MSI2: variants seen among roughly 807,000 people sequenced by gnomAD.
The protein encoded by MSI2 is RNA-binding protein Musashi homolog 2.
In MSI2, 17 loss-of-function variants were observed where a neutral mutation model predicts 45.6. The observed-to-expected ratio is 0.37, with a 90% CI of 0.26 to 0.56. The LOEUF (loss-of-function observed/expected upper bound fraction) is 0.56. Ranked by LOEUF, MSI2 falls within the 20% of genes least tolerant of loss-of-function variation. The pLI, the probability that MSI2 is intolerant of heterozygous loss-of-function variation, is 0.77. For missense variants in MSI2, 293 were observed against 444.2 expected (o/e 0.66, Z 3.06); for synonymous variants, 156 against 158.2 (o/e 0.99, Z 0.11).
rs945546734 is a variant in MSI2 at position 57,683,373 on chromosome 17, T to A, written c.*3856T>A. The A allele has an allele frequency of 2.2e-5, 5 of 230,174 alleles. No individual in the cohort carries two copies. Among genetic ancestry groups the A allele is most frequent in the African/African-American group, 6.6e-5 (3 of 45,274 alleles). 14.3% of individuals were successfully genotyped at this position (230,174 alleles called of 1,614,324 possible). A position where few individuals can be genotyped will look rare whatever the true frequency, so the allele number is the denominator to read the frequency against. On this transcript the variant is annotated 3_prime_UTR_variant, in exon 14 of 14. Coordinates refer to ENST00000284073, the MANE Select transcript of MSI2 (RefSeq NM_138962.4). This position sits in a 1 kb window ranked among gnomAD's most constrained non-coding sequence, Gnocchi z 5.2. ...CATTTGGGGGTTTTTGGGGAAAAAA[T>A]TTATTTTTGGTTCCAAATAGAAAAA...
chr17:57,539,223 C>A (rs1043358958), intron 7 of MSI2, among the ~76,000 whole-genome samples: 2 of 146,304 alleles, frequency 1.4e-5, no homozygotes, highest in African/African-American at 2.5e-5. Context: ...GGCTCTGTTG[C>A]CCAGGCTGGA....
intron 8 of MSI2, among the ~76,000 whole-genome samples, chr17:57,603,053 G>T (rs1051238855): frequency 2.6e-5 from 4 of 152,208 alleles, no homozygotes; most frequent in Admixed American, 2.0e-4. Context: ...ACGGAGCCAG[G>T]CCAAATGGGG....
chr17:57,533,021 C>T (rs1401813388), intron 7 of MSI2, among the ~76,000 whole-genome samples: 7 of 152,218 alleles, frequency 4.6e-5, no homozygotes, highest in African/African-American at 1.2e-4. Flanking sequence ...ATCTGATGAG[C>T]GTCAGGTGGG....
At chr17:57,554,490 C>T (rs950956927) in intron 7 of MSI2, among the ~76,000 whole-genome samples, 1 of 152,184 alleles carries the variant, frequency 6.6e-6, no homozygotes, top group African/African-American at 2.4e-5. Context: ...TGTGTGCACA[C>T]GCGCTTGTTT....
chr17:57,458,650 A>G (rs1221674236), intron 6 of MSI2, among the ~76,000 whole-genome samples: 1 of 152,190 alleles, frequency 6.6e-6, no homozygotes, highest in African/African-American at 2.4e-5. Context: ...TCTGTGTTCC[A>G]TGCCTCTGGG....
At chr17:57,434,571 C>A (rs561409883) in intron 6 of MSI2, among the ~76,000 whole-genome samples, 3 of 152,156 alleles carry the variant, frequency 2.0e-5, no homozygotes. Context: ...GCACCCCCAT[C>A]CTCTGGTAAC....
At chr17:57,511,830 G>T (rs960052001) in intron 6 of MSI2, among the ~76,000 whole-genome samples, 1 of 152,140 alleles carries the variant, frequency 6.6e-6, no homozygotes, top group African/African-American at 2.4e-5. Context: ...CACCTTCAGG[G>T]TGGAGGCCCA....
chr17:57,587,929 G>A (rs2144403744), intron 7 of MSI2, among the ~76,000 whole-genome samples: 1 of 152,256 alleles, frequency 6.6e-6, no homozygotes, highest in African/African-American at 2.4e-5. Context: ...TTCTGGAAAG[G>A]CATTTTATTA....
chr17:57,331,585 A>G (rs1598130553), intron 5 of MSI2, among the ~76,000 whole-genome samples: 1 of 152,202 alleles, frequency 6.6e-6, no homozygotes, highest in African/African-American at 2.4e-5. Flanking sequence ...TTTGAAGACT[A>G]GGACACATCT....
Position 57,680,695 on chromosome 17 carries a change from C to G in MSI2, c.*1178C>G. The G allele has an allele frequency of 9.0e-6, 1 of 111,696 alleles. No individual in the cohort carries two copies. Among genetic ancestry groups the G allele is most frequent in the South Asian group, 3.0e-4 (1 of 3,338 alleles). The allele number at this position is 111,696 out of a possible 1,614,324, so 6.9% of individuals were successfully genotyped here. Reference sequence around the variant, plus strand: ...CTTTTCCCAAGATGTTTTTTAAAAACAAAGCTACAATTTTAATATTTAACA... The same window carrying G: ...CTTTTCCCAAGATGTTTTTTAAAAAGAAAGCTACAATTTTAATATTTAACA... On this transcript the variant is annotated 3_prime_UTR_variant, in exon 14 of 14. Transcript: ENST00000284073.
At chr17:57,385,337 C>T (rs536884644) in intron 5 of MSI2, among the ~76,000 whole-genome samples, 1 of 152,350 alleles carries the variant, frequency 6.6e-6, no homozygotes, top group African/African-American at 2.4e-5. Flanking sequence ...CTCCTTTTCA[C>T]TTGACTTCTA....
At chr17:57,587,543 C>G (rs1254900172) in intron 7 of MSI2, among the ~76,000 whole-genome samples, 1 of 139,732 alleles carries the variant, frequency 7.2e-6, no homozygotes, top group African/African-American at 2.6e-5. Flanking sequence ...AGATCACTCC[C>G]CGCCCCCCAC....
intron 5 of MSI2, among the ~76,000 whole-genome samples, chr17:57,376,751 A>G (rs2083503721): frequency 6.6e-6 from 1 of 152,120 alleles, no homozygotes; most frequent in Admixed American, 6.5e-5. Flanking sequence ...AAAATATGGC[A>G]TCTCAGTTGC....
At chr17:57,458,099 CTT>C (rs545653222) in intron 6 of MSI2, among the ~76,000 whole-genome samples, 22 of 133,954 alleles carry the variant, frequency 1.6e-4, no homozygotes, top group Admixed American at 1.5e-4. Context: ...ATATATATAC[CTT>C]TTTTTTTTTT....
chr17:57,304,169 C>A (rs1435767620), intron 5 of MSI2, among the ~76,000 whole-genome samples: 1 of 151,934 alleles, frequency 6.6e-6, no homozygotes. Flanking sequence ...CCATCCTGGC[C>A]AACATGGTGA....
chr17:57,362,316 T>C (rs1205669888), intron 5 of MSI2, among the ~76,000 whole-genome samples: 1 of 152,072 alleles, frequency 6.6e-6, no homozygotes, highest in Non-Finnish European at 1.5e-5. Flanking sequence ...ATATGGGAAA[T>C]CTTGTCTTTG....
intron 5 of MSI2, among the ~76,000 whole-genome samples, chr17:57,295,278 T>C (rs1910824489): frequency 6.6e-6 from 1 of 152,090 alleles, no homozygotes; most frequent in Non-Finnish European, 1.5e-5. Flanking sequence ...GCCGCCCTGC[T>C]TGCTTAGGGA....
At chr17:57,585,112 C>T (rs559067821) in intron 7 of MSI2, among the ~76,000 whole-genome samples, 17 of 152,284 alleles carry the variant, frequency 1.1e-4, no homozygotes, top group South Asian at 4.1e-4. Flanking sequence ...GCCACCACCA[C>T]GCCCAGCCCT....
chr17:57,424,651 G>C (rs2084458574), intron 6 of MSI2, among the ~76,000 whole-genome samples: 1 of 152,080 alleles, frequency 6.6e-6, no homozygotes, highest in Admixed American at 6.6e-5. Context: ...ATCTCCTGAT[G>C]CTTCAGGGGT....
Sources: gnomAD v4.1 joint callset for allele counts (sites outside exome capture counted in the v4.1 genomes callset) on GRCh38, gnomAD v4.1.1 for gene constraint, Gnocchi (gnomAD v3.1) non-coding constraint, MANE v1.5 for transcripts, NCBI Gene and HGNC (gene_info 2026-07-23, HGNC 2026-07-21) for gene names.